The following FYB1 variants were observed in gnomAD, a reference collection of about 807,000 sequenced individuals.
The protein encoded by FYB1 is FYN binding protein 1, also known as FYN-binding protein 1.
Under a neutral mutation model 94.1 loss-of-function variants are expected in FYB1, and 41 were observed. That is an observed-to-expected ratio of 0.44 (90% CI 0.34 to 0.57). FYB1 has a LOEUF of 0.57. Ranked by LOEUF, FYB1 falls within the 20% of genes least tolerant of loss-of-function variation. The probability of loss-of-function intolerance (pLI) is 0.02; values close to 1 mark genes in which losing one functional copy is unlikely to be tolerated. For synonymous variants in FYB1, 367 were observed against 353.2 expected (o/e 1.04, Z -0.44); for missense variants, 1,050 against 976.8 (o/e 1.07, Z -1.00).
At chr5:39,131,537 T>A (rs943051523) in intron 9 of FYB1, among the ~76,000 whole-genome samples, 5 of 152,206 alleles carry the variant, frequency 3.3e-5, no homozygotes, top group African/African-American at 1.2e-4. Context: ...CTGATGCAGA[T>A]CTCCTGTTAA....
intron 1 of FYB1, among the ~76,000 whole-genome samples, chr5:39,240,646 C>T (rs921631105): frequency 3.3e-5 from 5 of 152,148 alleles, no homozygotes; most frequent in Non-Finnish European, 7.3e-5. Context: ...GTCAAAATGT[C>T]TGTTATTAAA....
chr5:39,195,320 A>G (rs1747733470), intron 2 of FYB1, among the ~76,000 whole-genome samples: 1 of 152,204 alleles, frequency 6.6e-6, no homozygotes, highest in African/African-American at 2.4e-5. Context: ...ATACTGCCAC[A>G]TGCTGATATA....
intron 2 of FYB1, among the ~76,000 whole-genome samples, chr5:39,171,251 C>CTCCA (rs1745224812): frequency 6.6e-6 from 1 of 151,940 alleles, no homozygotes; most frequent in African/African-American, 2.4e-5. Flanking sequence ...GATCGTGCCA[C>CTCCA]TGCTCTCTAG....
chr5:39,206,033 C>T (rs1579675021), intron 1 of FYB1, among the ~76,000 whole-genome samples: 2 of 152,066 alleles, frequency 1.3e-5, no homozygotes, highest in African/African-American at 2.4e-5. Context: ...GACCAAATTC[C>T]GAAGTTACAA....
At chr5:39,197,080 G>A (rs960151472) in intron 2 of FYB1, among the ~76,000 whole-genome samples, 1 of 152,140 alleles carries the variant, frequency 6.6e-6, no homozygotes, top group East Asian at 1.9e-4. Context: ...GAGGTAGAAG[G>A]CTATGAAAAC....
At chr5:39,214,759 C>A (rs193226895) in intron 1 of FYB1, among the ~76,000 whole-genome samples, 1 of 152,158 alleles carries the variant, frequency 6.6e-6, no homozygotes, top group Non-Finnish European at 1.5e-5. Context: ...GAAAACCCAT[C>A]TCTACTAAAA....
chr5:39,176,126 AT>A (rs1745695796), intron 2 of FYB1, among the ~76,000 whole-genome samples: 3 of 94,774 alleles, frequency 3.2e-5, no homozygotes, highest in South Asian at 6.6e-4. Context: ...ATCCCAAGTC[AT>A]TTTTTTTCTG....
chr5:39,199,733 G>A (rs1748152352), intron 2 of FYB1, among the ~76,000 whole-genome samples: 1 of 152,100 alleles, frequency 6.6e-6, no homozygotes, highest in African/African-American at 2.4e-5. Flanking sequence ...AAGAAGAGTG[G>A]TTTCTATGGG....
At chr5:39,124,349 A>G in intron 12 of FYB1, 71 bp from the exon 13 acceptor site, 1 of 1,061,292 alleles carries the variant, frequency 9.4e-7, no homozygotes, top group South Asian at 1.7e-5. Flanking sequence ...GTTATATAGG[A>G]GAGTATAAAG....
intron 2 of FYB1, among the ~76,000 whole-genome samples, chr5:39,156,713 C>A (rs975577564): frequency 7.2e-5 from 11 of 152,094 alleles, no homozygotes; most frequent in African/African-American, 2.7e-4. Context: ...GGAAAAGCAT[C>A]TTAGTTTTTC....
chr5:39,250,515 A>G (rs1370155292), intron 1 of FYB1, among the ~76,000 whole-genome samples: 2 of 152,240 alleles, frequency 1.3e-5, no homozygotes, highest in Non-Finnish European at 2.9e-5. Flanking sequence ...TAAAACAAAA[A>G]TATCACCATC....
intron 1 of FYB1, among the ~76,000 whole-genome samples, chr5:39,242,032 A>G (rs543124755): frequency 2.0e-5 from 3 of 152,092 alleles, no homozygotes; most frequent in Non-Finnish European, 2.9e-5. Context: ...AAATCCTTAC[A>G]TGTTTCATTC....
In FYB1 at chr5:39,125,945, C is replaced by T. The variant is rs1451255457; in HGVS notation, c.2045+53G>A. 22 of 1,539,014 alleles carry T rather than the reference C, an allele frequency of 1.4e-5. 1 individual carries two copies. In the South Asian group the frequency reaches 1.8e-4, roughly 12 times the overall value. On this transcript the variant is annotated intron_variant, in intron 12 of 18. Transcript: ENST00000512982. ...TATAGAATATTAGTAGCATTTGATTCAATACATATTAGTGTAGTTATTGTA... is the reference window on the plus strand; with the variant it reads ...TATAGAATATTAGTAGCATTTGATTTAATACATATTAGTGTAGTTATTGTA...
chr5:39,198,040 G>A (rs260081), intron 2 of FYB1, among the ~76,000 whole-genome samples: 79,453 of 151,962 alleles, frequency 0.52, 21,590 homozygotes, highest in South Asian at 0.75. Context: ...TGGGGCTGGT[G>A]ATAAAATTTT....
At chr5:39,264,157 C>T (rs77367712) in intron 1 of FYB1, among the ~76,000 whole-genome samples, 2,379 of 152,236 alleles carry the variant, frequency 0.016, 60 homozygotes, top group East Asian at 0.074. Flanking sequence ...TGACTTGTTG[C>T]CATTATTTTC....
intron 1 of FYB1, among the ~76,000 whole-genome samples, chr5:39,259,429 G>A (rs897318213): frequency 1.3e-5 from 2 of 151,854 alleles, no homozygotes; most frequent in Non-Finnish European, 2.9e-5. Flanking sequence ...ATGTAGATCT[G>A]GCTCTGGGCT....
At chr5:39,187,139 C>A (rs1377537465) in intron 2 of FYB1, among the ~76,000 whole-genome samples, 1 of 152,124 alleles carries the variant, frequency 6.6e-6, no homozygotes, top group Non-Finnish European at 1.5e-5. Flanking sequence ...TGCAGGTTCT[C>A]CTATCAACTT....
chr5:39,128,183 A>G (rs887367378), intron 10 of FYB1, among the ~76,000 whole-genome samples: 1 of 152,204 alleles, frequency 6.6e-6, no homozygotes, highest in African/African-American at 2.4e-5. Context: ...ACTGATCAAG[A>G]CACAAGAGAA....
intron 2 of FYB1, among the ~76,000 whole-genome samples, chr5:39,201,342 C>A (rs78666690): frequency 6.6e-6 from 1 of 151,956 alleles, no homozygotes; most frequent in African/African-American, 2.4e-5. Context: ...TCACTAGAGG[C>A]CAGTAGCACC....
Sources: gnomAD v4.1 joint callset for allele counts (sites outside exome capture counted in the v4.1 genomes callset) on GRCh38, gnomAD v4.1.1 for gene constraint, MANE v1.5 for transcripts, NCBI Gene and HGNC (gene_info 2026-07-23, HGNC 2026-07-21) for gene names.